The following CEP72 variants were observed in gnomAD, a reference collection of about 807,000 sequenced individuals.
The protein encoded by CEP72 is centrosomal protein of 72 kDa.
CEP72 carries 78 observed loss-of-function variants against 65.7 expected under a neutral mutation model. That is an observed-to-expected ratio of 1.19 (90% CI 0.99 to 1.43). CEP72 has a LOEUF of 1.43. Ranked by LOEUF, CEP72 falls within the 40% of genes most tolerant of loss-of-function variation. The probability of loss-of-function intolerance (pLI) is 0.00; values close to 1 mark genes in which losing one functional copy is unlikely to be tolerated. For missense variants in CEP72, 914 were observed against 832.9 expected (o/e 1.10, Z -1.20); for synonymous variants, 358 against 351.7 (o/e 1.02, Z -0.20).
At chr5:666,429 C>T (rs539682850) in intron 4 of CEP72, among the ~76,000 whole-genome samples, 11 of 152,332 alleles carry the variant, frequency 7.2e-5, no homozygotes, top group East Asian at 5.8e-4. Context: ...CTCCTCCTCC[C>T]GGGGCCACCA....
intron 5 of CEP72, among the ~76,000 whole-genome samples, chr5:634,599 C>T (rs1737463729): frequency 6.6e-6 from 1 of 152,194 alleles, no homozygotes; most frequent in Admixed American, 6.6e-5. Flanking sequence ...GCTGCTCTGT[C>T]AGGGGGTTGT....
In CEP72 at chr5:645,087, C is replaced by T. The variant is rs1738325119; in HGVS notation, c.1666+662C>T. Among the ~76,000 whole-genome samples, 1 of 152,130 alleles carries T rather than the reference C, an allele frequency of 6.6e-6. No individual in the cohort carries two copies. The highest frequency in any genetic ancestry group is 2.1e-4 in the South Asian group (1 of 4,822). On this transcript the variant is annotated intron_variant, in intron 10 of 11. Transcript: ENST00000264935. This position sits in a 1 kb window ranked among gnomAD's most constrained non-coding sequence, Gnocchi z 4.0. Reference sequence around the variant, plus strand: ...TTAACTCATACTTCCCTGAGATTGACAAGTCGAGCATCTCTTCCTGGTCTA... The same window carrying T: ...TTAACTCATACTTCCCTGAGATTGATAAGTCGAGCATCTCTTCCTGGTCTA...
chr5:635,358 C>CAG lies in CEP72; in HGVS notation c.692-13_692-12insGA. ...AATGTTTTATGAAATATTTTATTTACAATATTTTAATAGAATCCAGACATC... is the reference window on the plus strand; with the variant it reads ...AATGTTTTATGAAATATTTTATTTACAGAATATTTTAATAGAATCCAGACATC... On this transcript the variant is annotated splice_polypyrimidine_tract_variant and intron_variant, in intron 5 of 11. Transcript: ENST00000264935. 6.6e-7 allele frequency: 1 copy of CAG among 1,522,324 alleles called. No individual in the cohort carries two copies. Among genetic ancestry groups the CAG allele is most frequent in the South Asian group, 1.2e-5 (1 of 84,682 alleles). 94.3% of individuals were successfully genotyped at this position (1,522,324 alleles called of 1,614,324 possible).
intron 3 of CEP72, among the ~76,000 whole-genome samples, chr5:621,625 G>A (rs1736396707): frequency 6.6e-6 from 1 of 152,252 alleles, no homozygotes. Flanking sequence ...AGGTGGAGGA[G>A]CACCTAAGCG....
intron 10 of CEP72, among the ~76,000 whole-genome samples, chr5:646,041 A>G (rs1623702): frequency 0.28 from 37,752 of 136,298 alleles, 4,745 homozygotes; most frequent in East Asian, 0.46. Flanking sequence ...CTGTGTGGAC[A>G]GTGAATTCGG....
At chr5:673,790 C>A in the CEP72 span, among the ~76,000 whole-genome samples, 2 of 152,204 alleles carry the variant, frequency 1.3e-5, no homozygotes, top group African/African-American at 2.4e-5. Flanking sequence ...TCCAGCCCTG[C>A]CTCTGGGAAC....
At chr5:672,003 TCA>T (rs1001708736), downstream of CEP72, among the ~76,000 whole-genome samples, 4 of 152,170 alleles carry the variant, frequency 2.6e-5, no homozygotes, top group African/African-American at 9.7e-5. Context: ...CAGGAGGACG[TCA>T]CACACAGTGC....
downstream of CEP72, among the ~76,000 whole-genome samples, chr5:657,603 G>A (rs2126841903): frequency 6.6e-6 from 1 of 152,232 alleles, no homozygotes; most frequent in East Asian, 1.9e-4. Flanking sequence ...GTTCCAGGAT[G>A]TGGCAGAACC....
chr5:619,068 C>A lies in CEP72; in HGVS notation c.161C>A (p.Thr54Lys), dbSNP rs1340782241. The part of the protein sequence containing the change: ...THLGHSLMSL[T>K]GLKSLDLSRN... ...CTGGGACATTCTCTGATGAGTTTAACAGGTCTGAAATCTTTGGATCTCTCG... is the reference window on the plus strand; with the variant it reads ...CTGGGACATTCTCTGATGAGTTTAAAAGGTCTGAAATCTTTGGATCTCTCG... The change falls in exon 2 of 12, where the codon ACA becomes AAA. Residue 54 changes from threonine to lysine, a missense_variant. Transcript: ENST00000264935. 2 of 1,613,634 alleles carry A rather than the reference C, an allele frequency of 1.2e-6. No individual in the cohort carries two copies. The highest frequency in any genetic ancestry group is 1.3e-5 in the African/African-American group (1 of 74,928).
At chr5:675,190 T>C in the CEP72 span, among the ~76,000 whole-genome samples, 1 of 40,304 alleles carries the variant, frequency 2.5e-5, no homozygotes, top group African/African-American at 1.2e-4. Flanking sequence ...GAGGGTACGG[T>C]GTGGCCAGGG....
chr5:675,508 G>T, the CEP72 span, among the ~76,000 whole-genome samples: 453 of 97,904 alleles, frequency 4.6e-3, 19 homozygotes, highest in African/African-American at 0.027. Context: ...CGGGGCTGCA[G>T]TGTGACCAGG....
At chr5:675,470 T>TACA in the CEP72 span, among the ~76,000 whole-genome samples, 1 of 50,336 alleles carries the variant, frequency 2.0e-5, no homozygotes, top group Non-Finnish European at 4.7e-5. Context: ...GCACAGGGGG[T>TACA]GCAGTGTGGC....
chr5:626,365 A>T (rs1041564307), intron 4 of CEP72, among the ~76,000 whole-genome samples: 1 of 152,176 alleles, frequency 6.6e-6, no homozygotes, highest in East Asian at 1.9e-4. Context: ...CTGGCCATGG[A>T]TGATAGGTGT....
At chr5:674,501 G>C in the CEP72 span, among the ~76,000 whole-genome samples, 5,964 of 152,182 alleles carry the variant, frequency 0.039, 448 homozygotes, top group African/African-American at 0.14. Context: ...CCGAGTGCCC[G>C]GGACACGTCC....
chr5:634,032 G>A, intron 5 of CEP72, 85 bp downstream of exon 5: 1 of 1,302,172 alleles, frequency 7.7e-7, no homozygotes, highest in Non-Finnish European at 1.1e-6. Context: ...GTCCACAGTT[G>A]CTCTTTTTGT....
chr5:676,431 A>C, the CEP72 span: 1 of 152,154 alleles, frequency 6.6e-6, no homozygotes. Context: ...ACAGCCTTCC[A>C]CACAGGGGCA....
chr5:637,156 G>A (rs1241910358), intron 6 of CEP72, among the ~76,000 whole-genome samples: 1 of 152,252 alleles, frequency 6.6e-6, no homozygotes, highest in African/African-American at 2.4e-5. Flanking sequence ...ATGGGCGTGT[G>A]CTTAGACGTT....
At chr5:644,208 C>A in intron 9 of CEP72, 91 bp from the exon 10 acceptor site, 1 of 1,422,912 alleles carries the variant, frequency 7.0e-7, no homozygotes, top group Non-Finnish European at 9.7e-7. Flanking sequence ...CAGAAGGAAC[C>A]CTCTGGGGAT....
chr5:617,270 G>A (rs1630383), intron 1 of CEP72, among the ~76,000 whole-genome samples: 95,899 of 152,040 alleles, frequency 0.63, 30,432 homozygotes, highest in Non-Finnish European at 0.66. Context: ...TGCTTGTTCC[G>A]TATATTTTCC....
Sources: allele counts gnomAD v4.1 joint callset (sites outside exome capture counted in the v4.1 genomes callset), GRCh38; gene constraint gnomAD v4.1.1; non-coding constraint Gnocchi (gnomAD v3.1); transcripts MANE v1.5; gene names NCBI Gene and HGNC (gene_info 2026-07-23, HGNC 2026-07-21).